CCDC102B: variants seen among roughly 807,000 people sequenced by gnomAD.
CCDC102B encodes the protein coiled-coil domain containing 102B, also known as coiled-coil domain-containing protein 102B.
A neutral mutation model predicts 57.4 loss-of-function variants in CCDC102B; 75 were observed. The ratio of observed to expected loss-of-function variants is 1.31; its 90% CI spans 1.08 to 1.58. CCDC102B has a LOEUF of 1.58. Among genes scored for constraint, CCDC102B ranks in the 40% most tolerant of loss-of-function variants. CCDC102B has a pLI of 0.00. For synonymous variants in CCDC102B, 206 were observed against 201.9 expected (o/e 1.02, Z -0.17); for missense variants, 636 against 582.6 (o/e 1.09, Z -0.94).
chr18:68,856,125 C>T (rs2038373960), intron 4 of CCDC102B, among the ~76,000 whole-genome samples: 1 of 152,034 alleles, frequency 6.6e-6, no homozygotes, highest in Non-Finnish European at 1.5e-5. Flanking sequence ...CATACTTTAA[C>T]TTCATAAAAT....
intron 6 of CCDC102B, among the ~76,000 whole-genome samples, chr18:68,960,933 A>C (rs541176842): frequency 6.6e-6 from 1 of 152,256 alleles, no homozygotes; most frequent in East Asian, 1.9e-4. Flanking sequence ...CTCTTTCCTT[A>C]ATATGATGTG....
rs1260597946 is a variant in CCDC102B, at chr18:68,857,267, A to ATATATATATAATATATATTTATATAT, written c.936+10884_936+10909dup. Among the ~76,000 whole-genome samples, 23 of 10,356 alleles carry ATATATATATAATATATATTTATATAT rather than the reference A, an allele frequency of 2.2e-3. 1 individual carries two copies. The highest frequency in any genetic ancestry group is 4.3e-3 in the South Asian group (2 of 464). The allele number at this position is 10,356 out of a possible 152,430, so 6.8% of individuals were successfully genotyped here. On this transcript the variant is annotated intron_variant, in intron 4 of 7. Coordinates refer to ENST00000360242, the MANE Select transcript of CCDC102B (RefSeq NM_024781.3). ...ATATATTTATTATTTAAATATATAA[A>ATATATATATAATATATATTTATATAT]TATATATATAATATATATTTATATA...
At chr18:68,944,784 G>A (rs2049485294) in intron 6 of CCDC102B, among the ~76,000 whole-genome samples, 1 of 152,050 alleles carries the variant, frequency 6.6e-6, no homozygotes, top group Non-Finnish European at 1.5e-5. Context: ...CACAGAGCTG[G>A]CAGGTTCCAG....
intron 5 of CCDC102B, among the ~76,000 whole-genome samples, chr18:68,880,396 G>C (rs969404079): frequency 3.9e-5 from 6 of 152,210 alleles, no homozygotes; most frequent in African/African-American, 1.2e-4. Flanking sequence ...CTCCCTGCAA[G>C]CTGAGGGAGC....
chr18:68,903,849 T>C (rs976736636), intron 6 of CCDC102B, among the ~76,000 whole-genome samples: 10 of 152,186 alleles, frequency 6.6e-5, no homozygotes, highest in African/African-American at 2.4e-4. Flanking sequence ...CTTAGGAAAC[T>C]GATGAATTCA....
intron 2 of CCDC102B, among the ~76,000 whole-genome samples, chr18:68,776,632 AG>A (rs1394536373): frequency 1.3e-5 from 2 of 152,080 alleles, no homozygotes; most frequent in African/African-American, 4.8e-5. Flanking sequence ...CATGAACACA[AG>A]GGAACAACAC....
At chr18:68,998,993 TATATATAG>T (rs1232958274) in intron 6 of CCDC102B, among the ~76,000 whole-genome samples, 155 of 54,586 alleles carry the variant, frequency 2.8e-3, no homozygotes, top group African/African-American at 6.9e-3. Context: ...TATATATATA[TATATATAG>T]AGAGAGAGAG....
intron 7 of CCDC102B, among the ~76,000 whole-genome samples, chr18:69,022,648 T>A (rs1459661505): frequency 6.6e-6 from 1 of 152,152 alleles, no homozygotes; most frequent in Non-Finnish European, 1.5e-5. Flanking sequence ...GCAAATACAT[T>A]CTTTTTATGT....
intron 2 of CCDC102B, among the ~76,000 whole-genome samples, chr18:68,747,867 T>G (rs2075455634): frequency 6.6e-6 from 1 of 152,180 alleles, no homozygotes; most frequent in African/African-American, 2.4e-5. Flanking sequence ...TTTAATGCCT[T>G]TAGTTATATA....
intron 7 of CCDC102B, among the ~76,000 whole-genome samples, chr18:69,019,594 G>T (rs956952633): frequency 6.6e-6 from 1 of 152,038 alleles, no homozygotes; most frequent in Non-Finnish European, 1.5e-5. Flanking sequence ...CAACTTTACT[G>T]AATTCATTTA....
At chr18:68,985,491 T>C (rs1322765847) in intron 6 of CCDC102B, among the ~76,000 whole-genome samples, 1 of 152,158 alleles carries the variant, frequency 6.6e-6, no homozygotes, top group Non-Finnish European at 1.5e-5. Flanking sequence ...TGAGAAGCTA[T>C]GTAAACTGCT....
chr18:68,750,762 A>G (rs2033814039), intron 2 of CCDC102B, among the ~76,000 whole-genome samples: 1 of 138,470 alleles, frequency 7.2e-6, no homozygotes, highest in African/African-American at 2.7e-5. Flanking sequence ...GAACACTTGG[A>G]CACAGGAAGG....
intron 6 of CCDC102B, among the ~76,000 whole-genome samples, chr18:69,002,593 C>T (rs1481069021): frequency 1.3e-5 from 2 of 152,088 alleles, no homozygotes; most frequent in Non-Finnish European, 2.9e-5. Context: ...AACAGAAAAA[C>T]ATTTTCTTGG....
chr18:69,030,666 T>C (rs1005284617), intron 7 of CCDC102B, among the ~76,000 whole-genome samples: 1 of 152,074 alleles, frequency 6.6e-6, no homozygotes, highest in Non-Finnish European at 1.5e-5. Flanking sequence ...GTTTTTGTTT[T>C]GGTTTTTGTT....
chr18:68,736,511 A>G (rs994975266), intron 2 of CCDC102B, among the ~76,000 whole-genome samples: 4 of 152,192 alleles, frequency 2.6e-5, no homozygotes, highest in African/African-American at 4.8e-5. Context: ...TCTTTATATC[A>G]TTGTGTTCTA....
At chr18:68,756,338 A>G (rs989083869) in intron 2 of CCDC102B, among the ~76,000 whole-genome samples, 1 of 152,206 alleles carries the variant, frequency 6.6e-6, no homozygotes, top group African/African-American at 2.4e-5. Flanking sequence ...TCTCTGAACT[A>G]TTCTATCAAT....
rs140215563 is a variant in CCDC102B, at chr18:68,902,486, T to C, written c.1263+5058T>C. 1.6e-3 allele frequency among the ~76,000 whole-genome samples: 245 copies of C among 152,322 alleles called. 2 individuals are homozygous for C. Among genetic ancestry groups the C allele is most frequent in the African/African-American group, 5.6e-3 (231 of 41,578 alleles). ...AGAGGTTTGAGCTATCATCTTCATC[T>C]AGCAACCTCTTTATAGATATATAGG... On this transcript the variant is annotated intron_variant, in intron 6 of 7. Coordinates refer to ENST00000360242, the MANE Select transcript of CCDC102B (RefSeq NM_024781.3).
At chr18:68,715,372 A>T in intron 1 of CCDC102B, 1 of 512,590 alleles carries the variant, frequency 2.0e-6, no homozygotes, top group Non-Finnish European at 2.7e-6. Flanking sequence ...GTAGGCTCTG[A>T]CGACGCACTT....
At chr18:69,027,921 A>G (rs903816328) in intron 7 of CCDC102B, among the ~76,000 whole-genome samples, 2 of 152,180 alleles carry the variant, frequency 1.3e-5, no homozygotes, top group East Asian at 3.9e-4. Context: ...GGGGAAAACA[A>G]GAATATAATG....
Sources: gnomAD v4.1 joint callset for allele counts (sites outside exome capture counted in the v4.1 genomes callset) on GRCh38, gnomAD v4.1.1 for gene constraint, MANE v1.5 for transcripts, NCBI Gene and HGNC (gene_info 2026-07-23, HGNC 2026-07-21) for gene names.